CD163: variants seen among roughly 807,000 people sequenced by gnomAD.
CD163 encodes scavenger receptor cysteine-rich type 1 protein M130.
In CD163, 64 loss-of-function variants were observed where a neutral mutation model predicts 129.2. The ratio of observed to expected loss-of-function variants is 0.50; its 90% CI spans 0.41 to 0.61. CD163 has a LOEUF of 0.61. CD163 is among the 20% of genes least tolerant of loss of function. CD163 has a pLI of 0.00. For synonymous variants in CD163, 446 were observed against 478.5 expected, an observed-to-expected ratio of 0.93 and a Z score of 0.89; for missense variants, 1,061 against 1,377.9, an observed-to-expected ratio of 0.77 and a Z score of 3.64.
intron 15 of CD163, 21 bp downstream of exon 15, chr12:7,481,140 A>T (rs766505108): frequency 6.2e-7 from 1 of 1,612,650 alleles, no homozygotes; most frequent in Non-Finnish European, 8.5e-7. Context: ...TGGGCAATAG[A>T]CCCTCCAAGA....
At chr12:7,482,044 T>C (rs1044697277) in intron 14 of CD163, among the ~76,000 whole-genome samples, 7 of 152,176 alleles carry the variant, frequency 4.6e-5, no homozygotes, top group Non-Finnish European at 1.0e-4. Flanking sequence ...TTCCTATTAA[T>C]GTAAAATGGC....
chr12:7,474,831 A>G (rs1346864482), intron 16 of CD163, among the ~76,000 whole-genome samples: 1 of 152,118 alleles, frequency 6.6e-6, no homozygotes, highest in Non-Finnish European at 1.5e-5. Flanking sequence ...ACCACTAGCC[A>G]GACTAATAAA....
intron 15 of CD163, 160 bp from the exon 16 acceptor site, chr12:7,480,073 A>C: frequency 1.5e-6 from 2 of 1,353,934 alleles, no homozygotes; most frequent in Non-Finnish European, 2.0e-6. Context: ...TGAGCAACTA[A>C]AAACACCACC....
In CD163 at chr12:7,503,654, CAG is replaced by C. The variant is rs761945186; in HGVS notation, c.35_36del (p.Ser12TrpfsTer4). On this transcript the variant is annotated frameshift_variant, in exon 1 of 17. Coordinates refer to ENST00000432237, the MANE Select transcript of CD163 (RefSeq NM_203416.4). LOFTEE classifies it high-confidence loss of function. ...AATGAGAAGCTTTTACCAGCAGATC[CAG>C]AGTCTTCAAGTAGCACCATTCTGAG... The part of the protein sequence containing the change: ...SKLRMVLLED[S>X]GSADFRRHFV... 1.9e-6 allele frequency: 3 copies of C among 1,600,748 alleles called. No individual in the cohort carries two copies. Among genetic ancestry groups the C allele is most frequent in the South Asian group, 2.2e-5 (2 of 90,242 alleles).
In CD163 at chr12:7,498,911, C is replaced by T. The variant is rs749798626; in HGVS notation, c.735G>A (p.Lys245=). The change falls in exon 4 of 17, where the codon AAG becomes AAA. Residue 245 remains lysine (K), a synonymous_variant. Coordinates refer to ENST00000432237, the MANE Select transcript of CD163 (RefSeq NM_203416.4). ...CATCCTCAGCATGATCACAGTTATG[C>T]TTTCCCCATCCTTGATGTTTGCAGT... ...LWNCKHQGWG[K]HNCDHAEDAG... is the part of the protein sequence containing the mutation. The T allele has an allele frequency of 1.9e-6, 3 of 1,614,068 alleles. No individual in the cohort carries two copies. Among genetic ancestry groups the T allele is most frequent in the Non-Finnish European group, 2.5e-6 (3 of 1,179,982 alleles).
At position 7,488,025 on chromosome 12, in the gene CD163, G is replaced by C; in HGVS notation, c.1483C>G (p.His495Asp). Residue 495 changes from histidine to aspartate, a missense_variant, in exon 7 of 17, where the codon CAT (histidine) becomes GAT (aspartate). By Grantham distance (81) the His-to-Asp change is moderately conservative. Transcript: ENST00000432237. ...IPCSGRVEVK[H>D]GDTWGSICDS... ...CAGATGGAGCCCCACGTGTCACCAT[G>C]CTTCACTTCAACACGTCCAGAACAG... 6.2e-7 allele frequency: 1 copy of C among 1,614,082 alleles called. No homozygotes were observed. The highest frequency in any genetic ancestry group is 1.3e-5 in the African/African-American group (1 of 75,064).
chr12:7,477,600 G>A (rs561174496), intron 16 of CD163, among the ~76,000 whole-genome samples: 1 of 152,054 alleles, frequency 6.6e-6, no homozygotes, highest in Non-Finnish European at 1.5e-5. Flanking sequence ...TGGGGGCAAG[G>A]GGAAGGAGAG....
In CD163 at chr12:7,485,172, C is replaced by T. The variant is rs200541961; in HGVS notation, c.2703G>A (p.Thr901=). ...DNVQCPKGPD[T]LWQCPSSPWE... ...ATGGAGATGATGGGCACTGCCACAG[C>T]GTGTCAGGTCCTTTTGGACACTGAA... Residue 901 remains threonine, a synonymous_variant, in exon 11 of 17, where the codon ACG becomes ACA. Coordinates refer to ENST00000432237, the MANE Select transcript of CD163 (RefSeq NM_203416.4). The surrounding 1 kb of genome is among the most constrained non-coding windows in gnomAD (Gnocchi z 4.5). 21 of 1,613,998 alleles carry T rather than the reference C, an allele frequency of 1.3e-5. No homozygotes were observed. In the East Asian group the frequency reaches 2.7e-4, roughly 21 times the overall value.
intron 6 of CD163, among the ~76,000 whole-genome samples, chr12:7,488,769 G>C (rs1375616504): frequency 6.6e-6 from 1 of 152,072 alleles, no homozygotes; most frequent in Non-Finnish European, 1.5e-5. Context: ...TATCTGCTTA[G>C]ACATGTGGAG....
intron 16 of CD163, among the ~76,000 whole-genome samples, chr12:7,475,054 T>C (rs1332662244): frequency 1.0e-5 from 1 of 96,922 alleles, no homozygotes; most frequent in African/African-American, 4.1e-5. Flanking sequence ...ACTAGACCAA[T>C]AACAAGTTAT....
At chr12:7,476,585 C>T (rs958282537) in intron 16 of CD163, among the ~76,000 whole-genome samples, 7 of 152,068 alleles carry the variant, frequency 4.6e-5, no homozygotes, top group African/African-American at 1.7e-4. Flanking sequence ...CAAAAATTAA[C>T]TCAAGATGGA....
At chr12:7,479,433 A>G (rs895694557) in intron 16 of CD163, among the ~76,000 whole-genome samples, 20 of 152,010 alleles carry the variant, frequency 1.3e-4, no homozygotes, top group African/African-American at 4.3e-4. Context: ...GTTATTTTTA[A>G]AGTTTACCTT....
At chr12:7,479,269 A>G (rs1050382591) in intron 16 of CD163, among the ~76,000 whole-genome samples, 12 of 152,108 alleles carry the variant, frequency 7.9e-5, no homozygotes, top group African/African-American at 2.7e-4. Flanking sequence ...TTTTATCTCT[A>G]TCTTCAGTGC....
In CD163 at chr12:7,482,749, A is replaced by G. The variant is rs1949179828; in HGVS notation, c.3141T>C (p.Arg1047=). 1 of 1,613,972 alleles carries G rather than the reference A, an allele frequency of 6.2e-7. No individual in the cohort carries two copies. The highest frequency in any genetic ancestry group is 1.3e-5 in the African/African-American group (1 of 74,930). The change falls in exon 14 of 17, where the codon CGT becomes CGC. Residue 1047 remains arginine (R), a synonymous_variant. Coordinates refer to ENST00000432237, the MANE Select transcript of CD163 (RefSeq NM_203416.4). ...TCCCGACTGCAATAAAGGATGACTG[A>G]CGGGATGAGCGACCTAAGTAAAAGT... ...PQKATTGRSS[R]QSSFIAVGIL... is the part of the protein sequence containing the mutation.
At position 7,487,929 on chromosome 12, in the gene CD163, TAG is replaced by T; in HGVS notation, c.1577_1578del (p.Ser526TyrfsTer17). The T allele has an allele frequency of 6.2e-7, 1 of 1,614,036 alleles. No homozygotes were observed. Among genetic ancestry groups the T allele is most frequent in the Non-Finnish European group, 8.5e-7 (1 of 1,179,994 alleles). ...CRELQCGTVV[S>X]ILGGAHFGEG... ...TCTCCAAAGTGAGCTCCCCCCAGGA[TAG>T]AGACAACTGTGCCACACTGTAATTC... is the stretch of plus-strand genomic sequence containing the variant. On this transcript the variant is annotated frameshift_variant, in exon 7 of 17. Transcript: ENST00000432237. LOFTEE classifies it high-confidence loss of function. This position sits in a 1 kb window ranked among gnomAD's most constrained non-coding sequence, Gnocchi z 5.1.
At chr12:7,484,930 C>T (rs1437474239) in intron 11 of CD163, among the ~76,000 whole-genome samples, 166 bp downstream of exon 11, 1 of 152,202 alleles carries the variant, frequency 6.6e-6, no homozygotes, top group Non-Finnish European at 1.5e-5. Flanking sequence ...ACCAGTTACA[C>T]TATCCAGGTA....
At chr12:7,483,842 T>TATATATA (rs71067190) in intron 11 of CD163, 167 bp from the exon 12 acceptor site, 1,626 of 61,848 alleles carry the variant, frequency 0.026, 19 homozygotes, top group Middle Eastern at 0.08. Context: ...TATATATATA[T>TATATATA]TTTTTTTTTT....
Position 7,486,999 on chromosome 12 carries a change from A to G in CD163, c.2051-13T>C. 6.2e-7 allele frequency: 1 copy of G among 1,605,808 alleles called. No individual in the cohort carries two copies. Among genetic ancestry groups the G allele is most frequent in the Non-Finnish European group, 8.5e-7 (1 of 1,172,824 alleles). ...TGGGACTGGTTTCCTGCAAACACCA[A>G]GGTACTCAGTCATACAAGACACAAA... On this transcript the variant is annotated splice_polypyrimidine_tract_variant and intron_variant, in intron 8 of 16. Transcript: ENST00000432237.
chr12:7,489,997 A>G (rs1949306788), intron 6 of CD163, among the ~76,000 whole-genome samples: 1 of 151,908 alleles, frequency 6.6e-6, no homozygotes, highest in Admixed American at 6.6e-5. Flanking sequence ...TACCTTATAT[A>G]CCTAGGAAAA....
Sources: gnomAD v4.1 joint callset for allele counts (sites outside exome capture counted in the v4.1 genomes callset) on GRCh38, gnomAD v4.1.1 for gene constraint, Gnocchi (gnomAD v3.1) non-coding constraint, MANE v1.5 for transcripts, NCBI Gene and HGNC (gene_info 2026-07-23, HGNC 2026-07-21) for gene names.